Variants in ZDHHC14 observed in about 807,000 individuals in gnomAD.
The protein encoded by ZDHHC14 is zDHHC palmitoyltransferase 14, also known as palmitoyltransferase ZDHHC14.
Under a neutral mutation model 47.7 loss-of-function variants are expected in ZDHHC14, and 16 were observed. The observed-to-expected ratio is 0.34, with a 90% CI of 0.23 to 0.51. The LOEUF (loss-of-function observed/expected upper bound fraction) is 0.51. Among genes scored for constraint, ZDHHC14 ranks in the 20% least tolerant of loss-of-function variants. ZDHHC14 has a pLI of 0.97. For synonymous variants in ZDHHC14, 293 were observed against 278.9 expected (o/e 1.05, Z -0.50); for missense variants, 515 against 662.5 (o/e 0.78, Z 2.44).
intron 8 of ZDHHC14, among the ~76,000 whole-genome samples, chr6:157,665,714 G>A (rs930927404): frequency 3.9e-5 from 6 of 152,174 alleles, no homozygotes; most frequent in Non-Finnish European, 7.3e-5. Flanking sequence ...ACCTAATGAG[G>A]TCTTATTTAT....
At chr6:157,527,719 C>G (rs1781209481) in intron 1 of ZDHHC14, among the ~76,000 whole-genome samples, 2 of 152,178 alleles carry the variant, frequency 1.3e-5, no homozygotes, top group African/African-American at 2.4e-5. Context: ...AAACATGAAG[C>G]AGTGTTTTCT....
intron 8 of ZDHHC14, among the ~76,000 whole-genome samples, chr6:157,659,736 G>A (rs538500349): frequency 3.2e-4 from 48 of 152,352 alleles, no homozygotes; most frequent in Middle Eastern, 3.4e-3. Flanking sequence ...AGAGCAAGTG[G>A]TCTGGCAAGT....
chr6:157,594,298 C>T (rs1194155471), intron 3 of ZDHHC14, among the ~76,000 whole-genome samples: 3 of 152,190 alleles, frequency 2.0e-5, no homozygotes, highest in Non-Finnish European at 4.4e-5. Flanking sequence ...GTTTTCTTAA[C>T]ATAGATAAAT....
chr6:157,610,258 T>C (rs1784701769), intron 3 of ZDHHC14, among the ~76,000 whole-genome samples: 2 of 152,020 alleles, frequency 1.3e-5, no homozygotes, highest in Admixed American at 6.5e-5. Flanking sequence ...CGGTGAAACC[T>C]CGTCTCTACT....
intron 1 of ZDHHC14, among the ~76,000 whole-genome samples, chr6:157,469,049 A>G (rs1183868476): frequency 6.6e-6 from 1 of 152,204 alleles, no homozygotes; most frequent in Non-Finnish European, 1.5e-5. Context: ...TCTCTGGGAC[A>G]AGATGGCCAA....
intron 2 of ZDHHC14, among the ~76,000 whole-genome samples, chr6:157,563,238 G>A (rs1163661638): frequency 6.6e-6 from 1 of 152,188 alleles, no homozygotes; most frequent in Non-Finnish European, 1.5e-5. Flanking sequence ...GCCCTCCCAG[G>A]AAACACCACG....
intron 1 of ZDHHC14, among the ~76,000 whole-genome samples, chr6:157,499,583 G>A (rs1425581686): frequency 6.6e-5 from 10 of 151,926 alleles, no homozygotes; most frequent in East Asian, 3.8e-4. Flanking sequence ...GTTTGAGACC[G>A]TCAGTCCAGA....
intron 1 of ZDHHC14, among the ~76,000 whole-genome samples, chr6:157,515,271 G>A (rs143578362): frequency 0.027 from 4,135 of 152,114 alleles, 79 homozygotes; most frequent in Non-Finnish European, 0.041. Flanking sequence ...AGACAGTGAG[G>A]AATGAACACT....
At chr6:157,587,584 A>G (rs1268861102) in intron 2 of ZDHHC14, among the ~76,000 whole-genome samples, 1 of 152,212 alleles carries the variant, frequency 6.6e-6, no homozygotes, top group Non-Finnish European at 1.5e-5. Context: ...AGTTATTCTA[A>G]GCAGAAGGTT....
chr6:157,385,210 T>A (rs999629444), intron 1 of ZDHHC14, among the ~76,000 whole-genome samples: 1 of 152,164 alleles, frequency 6.6e-6, no homozygotes, highest in Admixed American at 6.5e-5. Flanking sequence ...CTTCTCAGTC[T>A]CCTTAGTAAC....
At chr6:157,617,597 A>T (rs1251629399) in intron 3 of ZDHHC14, among the ~76,000 whole-genome samples, 1 of 152,208 alleles carries the variant, frequency 6.6e-6, no homozygotes, top group East Asian at 1.9e-4. Context: ...CACCATGTAT[A>T]CATGTAGTCA....
At chr6:157,594,296 A>C (rs1369136448) in intron 3 of ZDHHC14, among the ~76,000 whole-genome samples, 1 of 152,188 alleles carries the variant, frequency 6.6e-6, no homozygotes, top group African/African-American at 2.4e-5. Context: ...TGGTTTTCTT[A>C]ACATAGATAA....
At chr6:157,487,529 C>T (rs923966053) in intron 1 of ZDHHC14, among the ~76,000 whole-genome samples, 2 of 152,190 alleles carry the variant, frequency 1.3e-5, no homozygotes, top group African/African-American at 4.8e-5. Flanking sequence ...TCATGACAAC[C>T]CTCTTAAGTA....
At chr6:157,572,542 G>A (rs559526927) in intron 2 of ZDHHC14, among the ~76,000 whole-genome samples, 50 of 151,688 alleles carry the variant, frequency 3.3e-4, no homozygotes, top group African/African-American at 8.2e-4. Flanking sequence ...TGTGCACAAC[G>A]TGCAGGTTTG....
intron 4 of ZDHHC14, chr6:157,632,394 TA>T (rs1785785606): frequency 5.9e-6 from 1 of 168,304 alleles, no homozygotes; most frequent in Non-Finnish European, 1.3e-5. Flanking sequence ...ATTTCAGCTT[TA>T]TGACTTTGTT....
At chr6:157,483,188 A>T (rs1200303765) in intron 1 of ZDHHC14, among the ~76,000 whole-genome samples, 1 of 152,212 alleles carries the variant, frequency 6.6e-6, no homozygotes, top group Admixed American at 6.5e-5. Flanking sequence ...CTTGCAGGGT[A>T]TATCAAATAC....
intron 1 of ZDHHC14, among the ~76,000 whole-genome samples, chr6:157,435,781 C>T (rs963061075): frequency 6.6e-6 from 1 of 152,174 alleles, no homozygotes; most frequent in Admixed American, 6.5e-5. Context: ...CTCAAGCGAT[C>T]CTCCCACCTT....
chr6:157,514,689 A>G (rs1351216186), intron 1 of ZDHHC14, among the ~76,000 whole-genome samples: 1 of 152,252 alleles, frequency 6.6e-6, no homozygotes, highest in Non-Finnish European at 1.5e-5. Flanking sequence ...TGAGCCCTGC[A>G]GCCTCTTGAC....
intron 3 of ZDHHC14, among the ~76,000 whole-genome samples, chr6:157,598,872 C>A (rs180730534): frequency 1.3e-5 from 2 of 152,264 alleles, no homozygotes; most frequent in African/African-American, 4.8e-5. Context: ...AAACACTTTC[C>A]AGCGTTCTAA....
Sources: allele counts gnomAD v4.1 joint callset (sites outside exome capture counted in the v4.1 genomes callset), GRCh38; gene constraint gnomAD v4.1.1; transcripts MANE v1.5; gene names NCBI Gene and HGNC (gene_info 2026-07-23, HGNC 2026-07-21).